BRD3OS: variants seen among roughly 807,000 people sequenced by gnomAD.
The protein encoded by BRD3OS is BRD3 opposite strand.
Position 134,029,763 on chromosome 9 carries a change from G to C in BRD3OS, c.*2761G>C, listed in dbSNP as rs1843483157. On this transcript the variant is annotated 3_prime_UTR_variant, in exon 3 of 3. Coordinates refer to ENST00000603928, the MANE Select transcript of BRD3OS (RefSeq NM_001355256.2). ...CCACTTCAGGATAGACTGAGGTGCA[G>C]AGGGAGGGGACAAGCGGCCAGGTTG... 1 of 152,280 alleles carries C rather than the reference G, an allele frequency of 6.6e-6. No homozygotes were observed. Among genetic ancestry groups the C allele is most frequent in the Non-Finnish European group, 1.5e-5 (1 of 68,060 alleles). The allele number at this position is 152,280 out of a possible 1,614,324, so 9.4% of individuals were successfully genotyped here.
rs1588265148 is a variant in BRD3OS, at chr9:134,029,422, A to G, written c.*2420A>G. 1 of 152,510 alleles carries G rather than the reference A, an allele frequency of 6.6e-6. No homozygotes were observed. Among genetic ancestry groups the G allele is most frequent in the Non-Finnish European group, 1.5e-5 (1 of 68,138 alleles). The allele number at this position is 152,510 out of a possible 1,614,324, so 9.4% of individuals were successfully genotyped here. ...GCCGCTTAGGCTGCAGGAAGACACC[A>G]TCTGCCTGGGGCGGACAAGGCCCCA... On this transcript the variant is annotated 3_prime_UTR_variant, in exon 3 of 3. Transcript: ENST00000603928.
intron 1 of BRD3OS, 53 bp downstream of exon 1, chr9:134,025,589 G>T (rs956076250): frequency 1.3e-5 from 2 of 152,142 alleles, no homozygotes; most frequent in Non-Finnish European, 2.9e-5. Context: ...GACGATAGGG[G>T]GCTGGAGGAT....
chr9:134,030,954 T>C lies in BRD3OS; in HGVS notation c.*3952T>C. 4.3e-6 allele frequency: 1 copy of C among 231,020 alleles called. No individual in the cohort carries two copies. The highest frequency in any genetic ancestry group is 8.6e-6 in the Non-Finnish European group (1 of 116,638). The allele number at this position is 231,020 out of a possible 1,614,324, so 14.3% of individuals were successfully genotyped here. On this transcript the variant is annotated 3_prime_UTR_variant, in exon 3 of 3. Transcript: ENST00000603928. ...GGTCTCAGCAGTGGGACAATCTAAT[T>C]GAATCACCGCAGCCTTCTAATACAG... is the stretch of plus-strand genomic sequence containing the variant.
In BRD3OS at chr9:134,030,986, C is replaced by A. The variant is rs1285382621; in HGVS notation, c.*3984C>A. On this transcript the variant is annotated 3_prime_UTR_variant, in exon 3 of 3. Transcript: ENST00000603928. ...CCGCAGCCTTCTAATACAGAAGAAA[C>A]GGACGTGACTGTCACCCTCAGCCCG... 2.6e-5 allele frequency: 6 copies of A among 230,596 alleles called. No individual in the cohort carries two copies. The East Asian group carries it at 3.7e-4, about 14-fold the overall frequency. 14.3% of individuals were successfully genotyped at this position (230,596 alleles called of 1,614,324 possible). A position where few individuals can be genotyped will look rare whatever the true frequency, so the allele number is the denominator to read the frequency against.
rs1843506470 is a variant in BRD3OS, at chr9:134,031,201, C to G, written c.*4199C>G. 4.5e-6 allele frequency: 1 copy of G among 221,096 alleles called. No homozygotes were observed. The highest frequency in any genetic ancestry group is 5.8e-5 in the Admixed American group (1 of 17,356). The allele number at this position is 221,096 out of a possible 1,614,324, so 13.7% of individuals were successfully genotyped here. On this transcript the variant is annotated 3_prime_UTR_variant, in exon 3 of 3. Transcript: ENST00000603928. Reference sequence around the variant, plus strand: ...CAGAGGCGAGCCGACGCCACCGTCACAGAGAACCAGCCGAGAAGGAAAGGC... The same window carrying G: ...CAGAGGCGAGCCGACGCCACCGTCAGAGAGAACCAGCCGAGAAGGAAAGGC...
rs1385762702 is a variant in BRD3OS at position 134,026,022 on chromosome 9, G to C, written c.-609G>C. The C allele has an allele frequency of 6.6e-6, 1 of 152,444 alleles. No homozygotes were observed. Among genetic ancestry groups the C allele is most frequent in the Non-Finnish European group, 1.5e-5 (1 of 68,300 alleles). The allele number at this position is 152,444 out of a possible 1,614,324, so 9.4% of individuals were successfully genotyped here. ...CAAGCAGCCTCCCCAGCACCTCCCAGTGACTGAAAAAGCTGGCACTGGGCG... is the reference window on the plus strand; with the variant it reads ...CAAGCAGCCTCCCCAGCACCTCCCACTGACTGAAAAAGCTGGCACTGGGCG... On this transcript the variant is annotated 5_prime_UTR_variant, in exon 2 of 3. Transcript: ENST00000603928. This position sits in a 1 kb window ranked among gnomAD's most constrained non-coding sequence, Gnocchi z 4.4.
rs113841490 is a variant in BRD3OS at position 134,026,644 on chromosome 9, G to A, written c.-104G>A. On this transcript the variant is annotated 5_prime_UTR_variant, in exon 3 of 3. Coordinates refer to ENST00000603928, the MANE Select transcript of BRD3OS (RefSeq NM_001355256.2). The surrounding 1 kb of genome is among the most constrained non-coding windows in gnomAD (Gnocchi z 4.4). ...AATTTCTACCATTCAGTTAAACGAG[G>A]GATCCTTAAGCCCCAAAGCTGGGAA... 39 of 397,518 alleles carry A rather than the reference G, an allele frequency of 9.8e-5. No individual in the cohort carries two copies. The highest frequency in any genetic ancestry group is 7.0e-4 in the African/African-American group (34 of 48,728). 24.6% of individuals were successfully genotyped at this position (397,518 alleles called of 1,614,324 possible).
In BRD3OS at chr9:134,029,598, C is replaced by T. The variant is rs1162626628; in HGVS notation, c.*2596C>T. ...CAGAACCTTCTCCCCTGGCATGTCT[C>T]TTCCAGGCCTAGTTCCAGAGCTGTC... On this transcript the variant is annotated 3_prime_UTR_variant, in exon 3 of 3. Coordinates refer to ENST00000603928, the MANE Select transcript of BRD3OS (RefSeq NM_001355256.2). 1 of 152,298 alleles carries T rather than the reference C, an allele frequency of 6.6e-6. No individual in the cohort carries two copies. Among genetic ancestry groups the T allele is most frequent in the Non-Finnish European group, 1.5e-5 (1 of 68,080 alleles). The allele number at this position is 152,298 out of a possible 1,614,324, so 9.4% of individuals were successfully genotyped here.
chr9:134,026,600 G>A lies in BRD3OS; in HGVS notation c.-148G>A, dbSNP rs1588263041. The A allele has an allele frequency of 2.5e-6, 1 of 393,908 alleles. No individual in the cohort carries two copies. Among genetic ancestry groups the A allele is most frequent in the Non-Finnish European group, 4.5e-6 (1 of 223,650 alleles). The allele number at this position is 393,908 out of a possible 1,614,324, so 24.4% of individuals were successfully genotyped here. On this transcript the variant is annotated 5_prime_UTR_variant, in exon 3 of 3. Transcript: ENST00000603928. The surrounding 1 kb of genome is among the most constrained non-coding windows in gnomAD (Gnocchi z 4.4). ...CACAACCCTCCTGAGGACGTTGCCT[G>A]CAAATGGGCGGAATTCCTAATTTCT...
rs1192897777 is a variant in BRD3OS, at chr9:134,025,554, C to T, written c.-787+18C>T. Reference sequence around the variant, plus strand: ...GACGAGCGGTGACTGGGGCGGGCGACGTGGGGGACCCGGGGATGCGGGCAG... The same window carrying T: ...GACGAGCGGTGACTGGGGCGGGCGATGTGGGGGACCCGGGGATGCGGGCAG... On this transcript the variant is annotated intron_variant, in intron 1 of 2. Transcript: ENST00000603928. 1 of 150,840 alleles carries T rather than the reference C, an allele frequency of 6.6e-6. No individual in the cohort carries two copies. Among genetic ancestry groups the T allele is most frequent in the Non-Finnish European group, 1.5e-5 (1 of 67,792 alleles). 9.3% of individuals were successfully genotyped at this position (150,840 alleles called of 1,614,324 possible).
At position 134,026,613 on chromosome 9, in the gene BRD3OS, A is replaced by T. The variant is rs1276642156; in HGVS notation, c.-135A>T. 1 of 394,418 alleles carries T rather than the reference A, an allele frequency of 2.5e-6. No homozygotes were observed. The highest frequency in any genetic ancestry group is 3.6e-5 in the East Asian group (1 of 27,842). 24.4% of individuals were successfully genotyped at this position (394,418 alleles called of 1,614,324 possible). A position where few individuals can be genotyped will look rare whatever the true frequency, so the allele number is the denominator to read the frequency against. On this transcript the variant is annotated 5_prime_UTR_variant, in exon 3 of 3. Coordinates refer to ENST00000603928, the MANE Select transcript of BRD3OS (RefSeq NM_001355256.2). This position sits in a 1 kb window ranked among gnomAD's most constrained non-coding sequence, Gnocchi z 4.4. ...AGGACGTTGCCTGCAAATGGGCGGAATTCCTAATTTCTACCATTCAGTTAA... is the reference window on the plus strand; with the variant it reads ...AGGACGTTGCCTGCAAATGGGCGGATTTCCTAATTTCTACCATTCAGTTAA...
Position 134,026,866 on chromosome 9 carries a change from C to T in BRD3OS, c.119C>T (p.Pro40Leu). 2.5e-6 allele frequency: 1 copy of T among 398,956 alleles called. No individual in the cohort carries two copies. The highest frequency in any genetic ancestry group is 4.4e-6 in the Non-Finnish European group (1 of 226,088). 24.7% of individuals were successfully genotyped at this position (398,956 alleles called of 1,614,324 possible). Residue 40 changes from proline to leucine, a missense_variant, in exon 3 of 3, where the codon CCA (proline) becomes CTA (leucine). Coordinates refer to ENST00000603928, the MANE Select transcript of BRD3OS (RefSeq NM_001355256.2). This position sits in a 1 kb window ranked among gnomAD's most constrained non-coding sequence, Gnocchi z 4.4. ...QQQQQKLESV[P>L]PGTYLSRSRS... ...CAACAGCAGAAGTTGGAGTCGGTGC[C>T]ACCTGGGACGTACCTGAGCAGGAGC...
At chr9:134,025,558 G>C (rs2132356616) in intron 1 of BRD3OS, 22 bp downstream of exon 1, 3 of 152,188 alleles carry the variant, frequency 2.0e-5, no homozygotes, top group African/African-American at 7.2e-5. Context: ...GGGCGACGTG[G>C]GGGACCCGGG....
Position 134,029,298 on chromosome 9 carries a change from G to A in BRD3OS, c.*2296G>A, listed in dbSNP as rs894326665. 6.6e-6 allele frequency: 1 copy of A among 152,340 alleles called. No individual in the cohort carries two copies. The highest frequency in any genetic ancestry group is 2.4e-5 in the African/African-American group (1 of 41,470). 9.4% of individuals were successfully genotyped at this position (152,340 alleles called of 1,614,324 possible). ...GAGGCAGCGCAGACATGCAGAATGGGGTCTGAGGTCACGTTGCAACGCTGG... is the reference window on the plus strand; with the variant it reads ...GAGGCAGCGCAGACATGCAGAATGGAGTCTGAGGTCACGTTGCAACGCTGG... On this transcript the variant is annotated 3_prime_UTR_variant, in exon 3 of 3. Transcript: ENST00000603928.
Position 134,026,099 on chromosome 9 carries a change from C to G in BRD3OS, c.-541+9C>G, listed in dbSNP as rs984699571. The G allele has an allele frequency of 6.6e-6, 1 of 152,452 alleles. No homozygotes were observed. The highest frequency in any genetic ancestry group is 2.4e-5 in the African/African-American group (1 of 41,272). The allele number at this position is 152,452 out of a possible 1,614,324, so 9.4% of individuals were successfully genotyped here. On this transcript the variant is annotated intron_variant, in intron 2 of 2. Coordinates refer to ENST00000603928, the MANE Select transcript of BRD3OS (RefSeq NM_001355256.2). This position sits in a 1 kb window ranked among gnomAD's most constrained non-coding sequence, Gnocchi z 4.4. ...AGGCTGCCCCACGGGACGTAAGTAGCTCGATCTAGGCCGCTGACCCCCAGA... is the reference window on the plus strand; with the variant it reads ...AGGCTGCCCCACGGGACGTAAGTAGGTCGATCTAGGCCGCTGACCCCCAGA...
chr9:134,030,743 T>G lies in BRD3OS; in HGVS notation c.*3741T>G, dbSNP rs891815262. On this transcript the variant is annotated 3_prime_UTR_variant, in exon 3 of 3. Coordinates refer to ENST00000603928, the MANE Select transcript of BRD3OS (RefSeq NM_001355256.2). ...ACAAAAACAAACACACAAAAAAATG[T>G]GTCTTACAGTTTGTAAGCAAGATGA... 40 of 231,254 alleles carry G rather than the reference T, an allele frequency of 1.7e-4. No individual in the cohort carries two copies. Among genetic ancestry groups the G allele is most frequent in the African/African-American group, 6.0e-4 (27 of 45,178 alleles). 14.3% of individuals were successfully genotyped at this position (231,254 alleles called of 1,614,324 possible).
rs60558736 is a variant in BRD3OS, at chr9:134,030,304, CTTTT to C, written c.*3320_*3323del. 9.4e-3 allele frequency: 736 copies of C among 78,142 alleles called. 4 individuals are homozygous for C. The highest frequency in any genetic ancestry group is 0.041 in the South Asian group (75 of 1,822). 4.8% of individuals were successfully genotyped at this position (78,142 alleles called of 1,614,324 possible). On this transcript the variant is annotated 3_prime_UTR_variant, in exon 3 of 3. Coordinates refer to ENST00000603928, the MANE Select transcript of BRD3OS (RefSeq NM_001355256.2). ...GGAAAATGCAAAAAAAAAAAACAGT[CTTTT>C]TTTTTTTTTTTTTTTTTGCTTTTTA...
Position 134,031,279 on chromosome 9 carries a change from T to TGG in BRD3OS, c.*4277_*4278insGG. ...CACAGCCGGCCGCTCCCCCGACGGC[T>TGG]CACACAGGCAGCACCTCACTGCCCT... On this transcript the variant is annotated 3_prime_UTR_variant, in exon 3 of 3. Coordinates refer to ENST00000603928, the MANE Select transcript of BRD3OS (RefSeq NM_001355256.2). The TGG allele has an allele frequency of 4.8e-6, 1 of 209,316 alleles. No homozygotes were observed. Among genetic ancestry groups the TGG allele is most frequent in the Non-Finnish European group, 9.7e-6 (1 of 103,002 alleles). 13.0% of individuals were successfully genotyped at this position (209,316 alleles called of 1,614,324 possible). A position where few individuals can be genotyped will look rare whatever the true frequency, so the allele number is the denominator to read the frequency against.
Position 134,027,256 on chromosome 9 carries a change from T to C in BRD3OS, c.*254T>C, listed in dbSNP as rs866100818. ...TGGTCAGCTGTTGTGACATTTGAAT[T>C]CTCCAGGTGCTGCTAGGGACAGCAT... is the stretch of plus-strand genomic sequence containing the variant. On this transcript the variant is annotated 3_prime_UTR_variant, in exon 3 of 3. Coordinates refer to ENST00000603928, the MANE Select transcript of BRD3OS (RefSeq NM_001355256.2). The C allele has an allele frequency of 3.5e-5, 11 of 312,100 alleles. No individual in the cohort carries two copies. The highest frequency in any genetic ancestry group is 8.2e-4 in the Middle Eastern group (1 of 1,224). The allele number at this position is 312,100 out of a possible 1,614,324, so 19.3% of individuals were successfully genotyped here. A position where few individuals can be genotyped will look rare whatever the true frequency, so the allele number is the denominator to read the frequency against.
Sources: gnomAD v4.1 joint callset for allele counts on GRCh38, gnomAD v4.1.1 for gene constraint, Gnocchi (gnomAD v3.1) non-coding constraint, MANE v1.5 for transcripts, NCBI Gene and HGNC (gene_info 2026-07-23, HGNC 2026-07-21) for gene names.